FBLN7: variants seen among roughly 807,000 people sequenced by gnomAD.
FBLN7 encodes fibulin-7.
FBLN7 carries 31 observed loss-of-function variants against 44.0 expected under a neutral mutation model. That is an observed-to-expected ratio of 0.70 (90% CI 0.53 to 0.95). FBLN7 has a LOEUF of 0.95. Among genes scored for constraint, FBLN7 ranks in the 40% least tolerant of loss-of-function variants. The probability of loss-of-function intolerance (pLI) is 0.00; values close to 1 mark genes in which losing one functional copy is unlikely to be tolerated. For missense variants in FBLN7, 573 were observed against 618.5 expected (o/e 0.93, Z 0.78); for synonymous variants, 262 against 253.4 (o/e 1.03, Z -0.32).
At chr2:112,170,811 T>C (rs1001413922) in intron 3 of FBLN7, among the ~76,000 whole-genome samples, 95 of 152,156 alleles carry the variant, frequency 6.2e-4, no homozygotes, top group African/African-American at 2.2e-3. Flanking sequence ...ATGACAAGAA[T>C]GGAAGCTGGG....
intron 1 of FBLN7, among the ~76,000 whole-genome samples, chr2:112,142,855 G>A (rs1379383672): frequency 6.6e-6 from 1 of 152,080 alleles, no homozygotes; most frequent in East Asian, 1.9e-4. Context: ...GTGGTTGTGT[G>A]TGCATCTGTC....
chr2:112,139,238 T>TGTCCCTCCCGCCTCTCTCCAGGCCAGC (rs1558864855), intron 1 of FBLN7, among the ~76,000 whole-genome samples: 8 of 11,566 alleles, frequency 6.9e-4, no homozygotes, highest in African/African-American at 1.3e-3. Flanking sequence ...TCCAGGTCAG[T>TGTCCCTCCCGCCTCTCTCCAGGCCAGC]GTCCCTCCCG....
the FBLN7 span, among the ~76,000 whole-genome samples, chr2:112,222,472 G>A: frequency 6.6e-6 from 1 of 152,158 alleles, no homozygotes; most frequent in Admixed American, 6.5e-5. Flanking sequence ...AAGAAATTCT[G>A]ACATGGTACA....
In FBLN7 at chr2:112,156,309, C is replaced by T. The variant is rs370102099; in HGVS notation, c.76-3367C>T. On this transcript the variant is annotated intron_variant, in intron 1 of 7. Coordinates refer to ENST00000331203, the MANE Select transcript of FBLN7 (RefSeq NM_153214.3). ...GGGAGTCAGACTTCCTGGCCTGGCT[C>T]TACTGCTCCTAAGCCCCATGATTTG... is the stretch of plus-strand genomic sequence containing the variant. Among the ~76,000 whole-genome samples the T allele has an allele frequency of 2.8e-4, 42 of 152,296 alleles. No homozygotes were observed. The South Asian group carries it at 7.0e-3, about 26-fold the overall frequency.
At chr2:112,182,451 C>T (rs968305706) in intron 5 of FBLN7, among the ~76,000 whole-genome samples, 3 of 152,208 alleles carry the variant, frequency 2.0e-5, no homozygotes, top group African/African-American at 4.8e-5. Context: ...GGCTGTTAAC[C>T]CATCCCTACT....
intron 6 of FBLN7, among the ~76,000 whole-genome samples, chr2:112,183,796 G>A (rs1333105293): frequency 6.6e-6 from 1 of 152,144 alleles, no homozygotes; most frequent in Non-Finnish European, 1.5e-5. Context: ...AACATCTTAA[G>A]TTGACAAGGA....
intron 3 of FBLN7, among the ~76,000 whole-genome samples, chr2:112,166,086 C>T (rs190103962): frequency 3.9e-5 from 6 of 152,276 alleles, no homozygotes; most frequent in African/African-American, 1.2e-4. Context: ...AGTCTCGCTC[C>T]GTTGCCCAGT....
chr2:112,159,179 T>C (rs980484068), intron 1 of FBLN7, among the ~76,000 whole-genome samples: 4 of 146,194 alleles, frequency 2.7e-5, no homozygotes, highest in African/African-American at 1.0e-4. Context: ...AATGCCTCTT[T>C]AACTCTAGTG....
the FBLN7 span, among the ~76,000 whole-genome samples, chr2:112,193,331 C>A: frequency 6.6e-6 from 1 of 152,110 alleles, no homozygotes; most frequent in African/African-American, 2.4e-5. Context: ...ATCCCAAGTA[C>A]TTGGAGGCTG....
chr2:112,238,812 G>T, the FBLN7 span, among the ~76,000 whole-genome samples: 1 of 152,176 alleles, frequency 6.6e-6, no homozygotes, highest in African/African-American at 2.4e-5. Context: ...GTGTGCCTTT[G>T]ACTGAATTAA....
At chr2:112,205,070 T>C in the FBLN7 span, among the ~76,000 whole-genome samples, 4 of 152,124 alleles carry the variant, frequency 2.6e-5, no homozygotes, top group South Asian at 2.1e-4. Context: ...AAAAGCCATA[T>C]TGGAACAGGT....
At chr2:112,215,072 ATACTT>A in the FBLN7 span, 40 of 152,256 alleles carry the variant, frequency 2.6e-4, no homozygotes, top group African/African-American at 8.9e-4. Flanking sequence ...TATAAAATCT[ATACTT>A]TATAAGTATC....
At chr2:112,243,534 A>G in the FBLN7 span, among the ~76,000 whole-genome samples, 2 of 152,218 alleles carry the variant, frequency 1.3e-5, no homozygotes, top group Non-Finnish European at 1.5e-5. Context: ...AATTTTGATA[A>G]GGAACAGTAA....
At chr2:112,217,951 G>T in the FBLN7 span, among the ~76,000 whole-genome samples, 1 of 151,988 alleles carries the variant, frequency 6.6e-6, no homozygotes, top group African/African-American at 2.4e-5. Context: ...TGTTTTTGTA[G>T]AGATAGGGTC....
At chr2:112,231,804 G>A in the FBLN7 span, 1 of 1,388,612 alleles carries the variant, frequency 7.2e-7, no homozygotes, top group African/African-American at 1.5e-5. Context: ...CCTTAAAAAA[G>A]AAAAAACAAA....
chr2:112,183,321 G>T (rs985860883), intron 6 of FBLN7, among the ~76,000 whole-genome samples: 1 of 152,174 alleles, frequency 6.6e-6, no homozygotes, highest in African/African-American at 2.4e-5. Flanking sequence ...GTGTCCACCT[G>T]TAAGTCCACC....
At chr2:112,188,425 G>A (rs1683373432), downstream of FBLN7, 1 of 152,190 alleles carries the variant, frequency 6.6e-6, no homozygotes, top group Non-Finnish European at 1.5e-5. Context: ...TTAGGAAAAT[G>A]CTTGAGTTGT....
chr2:112,200,692 G>A, the FBLN7 span, among the ~76,000 whole-genome samples: 5 of 152,006 alleles, frequency 3.3e-5, no homozygotes, highest in South Asian at 4.2e-4. Context: ...ACCACCACCC[G>A]GCTAATTTTT....
chr2:112,234,901 A>T, the FBLN7 span, among the ~76,000 whole-genome samples: 1 of 152,224 alleles, frequency 6.6e-6, no homozygotes, highest in South Asian at 2.1e-4. Flanking sequence ...AAAGTTGGAA[A>T]TCAGAGTGAA....
Sources: gnomAD v4.1 joint callset for allele counts (sites outside exome capture counted in the v4.1 genomes callset) on GRCh38, gnomAD v4.1.1 for gene constraint, MANE v1.5 for transcripts, NCBI Gene and HGNC (gene_info 2026-07-23, HGNC 2026-07-21) for gene names.